The following DPF2 variants were observed in gnomAD, a reference collection of about 807,000 sequenced individuals.
The protein encoded by DPF2 is zinc finger protein ubi-d4.
In DPF2, 10 loss-of-function variants were observed where a neutral mutation model predicts 59.6. That is an observed-to-expected ratio of 0.17 (90% confidence interval 0.10 to 0.28). DPF2 has a LOEUF of 0.28. Among genes scored for constraint, DPF2 ranks in the 10% least tolerant of loss-of-function variants. The pLI is 1.00. For missense variants in DPF2, 315 were observed against 509.4 expected (o/e 0.62, Z 3.67); for synonymous variants, 189 against 190.6 (o/e 0.99, Z 0.07).
intron 3 of DPF2, 25 bp downstream of exon 3, chr11:65,341,098 A>G: frequency 6.2e-7 from 1 of 1,605,160 alleles, no homozygotes; most frequent in Non-Finnish European, 8.5e-7. Flanking sequence ...TCCTGAGCAG[A>G]GGCGTGGCCT....
intron 7 of DPF2, 62 bp downstream of exon 7, chr11:65,345,865 C>T: frequency 6.2e-7 from 1 of 1,613,330 alleles, no homozygotes; most frequent in Non-Finnish European, 8.5e-7. Context: ...AAAACCACTC[C>T]TTGCATGGGT....
intron 5 of DPF2, 50 bp from the exon 6 acceptor site, chr11:65,343,941 C>T (rs376925116): frequency 1.4e-4 from 222 of 1,612,162 alleles, no homozygotes; most frequent in Non-Finnish European, 1.8e-4. Flanking sequence ...GAGTCTAACT[C>T]CTCAGGCCCA....
rs370927704 is a variant in DPF2, at chr11:65,339,356, C to A, written c.33-1029C>A. 3.3e-5 allele frequency among the ~76,000 whole-genome samples: 5 copies of A among 152,182 alleles called. No individual in the cohort carries two copies. In the East Asian group the frequency reaches 7.7e-4, roughly 23 times the overall value. ...GAACAAGATAGGTTCTATATACACG[C>A]TTCTTAGAACCAGATAACTCCTGGC... On this transcript the variant is annotated intron_variant, in intron 1 of 10. Transcript: ENST00000528416.
chr11:65,345,730 T>C lies in DPF2; in HGVS notation c.702T>C (p.Ala234=). The C allele has an allele frequency of 6.2e-7, 1 of 1,614,144 alleles. No individual in the cohort carries two copies. Among genetic ancestry groups the C allele is most frequent in the Non-Finnish European group, 8.5e-7 (1 of 1,180,006 alleles). The part of the protein sequence containing the change: ...LSYHYAHSHL[A]EEEGEDKEDS... ...ACCACTATGCCCACTCCCACTTGGCTGAGGAGGAGGGCGAGGACAAGGAAG... is the reference window on the plus strand; with the variant it reads ...ACCACTATGCCCACTCCCACTTGGCCGAGGAGGAGGGCGAGGACAAGGAAG... Residue 234 remains alanine, a synonymous_variant, in exon 7 of 11, where the codon GCT becomes GCC. Transcript: ENST00000528416.
intron 6 of DPF2, 122 bp downstream of exon 6, chr11:65,344,191 G>A: frequency 1.0e-6 from 1 of 994,234 alleles, no homozygotes; most frequent in Non-Finnish European, 1.5e-6. Flanking sequence ...CTCTTGTCCT[G>A]CCTGCTGACT....
chr11:65,343,650 A>G, intron 4 of DPF2, 95 bp from the exon 5 acceptor site: 1 of 1,206,758 alleles, frequency 8.3e-7, no homozygotes, highest in Non-Finnish European at 1.2e-6. Context: ...GGACCACGTC[A>G]CAGAGGAGGT....
chr11:65,339,901 C>T (rs1274483314), intron 1 of DPF2, among the ~76,000 whole-genome samples: 1 of 152,108 alleles, frequency 6.6e-6, no homozygotes, highest in Non-Finnish European at 1.5e-5. Flanking sequence ...TTTAATAAGT[C>T]CCCTAGACTT....
chr11:65,340,742 G>C (rs1385842976), intron 2 of DPF2, among the ~76,000 whole-genome samples, 197 bp downstream of exon 2: 2 of 152,120 alleles, frequency 1.3e-5, no homozygotes, highest in African/African-American at 4.8e-5. Flanking sequence ...CTGCCCTGCT[G>C]AGGCCATTGT....
At chr11:65,343,299 CAAAAAAAAA>C (rs529933254) in intron 4 of DPF2, among the ~76,000 whole-genome samples, 1 of 58,024 alleles carries the variant, frequency 1.7e-5, no homozygotes, top group Admixed American at 1.9e-4. Flanking sequence ...AACTCTGTCT[CAAAAAAAAA>C]AAAAAAAAAA....
At position 65,337,729 on chromosome 11, in the gene DPF2, C is replaced by T. The variant is rs991712887; in HGVS notation, c.33-2656C>T. 9.2e-4 allele frequency among the ~76,000 whole-genome samples: 139 copies of T among 151,818 alleles called. 1 individual carries two copies. The highest frequency in any genetic ancestry group is 8.8e-4 in the Non-Finnish European group (60 of 67,936). ...AATGATTCCCCTACCTCATCCGCCC[C>T]AGGGGCTACGTGGAACCACAGGCAT... On this transcript the variant is annotated intron_variant, in intron 1 of 10. Transcript: ENST00000528416.
In DPF2 at chr11:65,344,045, C is replaced by T. The variant is rs1423726298; in HGVS notation, c.613C>T (p.Arg205Trp). 2.5e-6 allele frequency: 4 copies of T among 1,614,066 alleles called. No homozygotes were observed. The highest frequency in any genetic ancestry group is 1.7e-5 in the Admixed American group (1 of 60,002). The stretch of plus-strand genomic sequence containing the variant: ...GCTGGATGCTTCCATCCTGGAGGAC[C>T]GGGATAAGCCCTATGCCTGTGACAG... The part of the protein sequence containing the change: ...KKLDASILED[R>W]DKPYACDICG... The change falls in exon 6 of 11, where the codon CGG becomes TGG. Residue 205 changes from arginine (R) to tryptophan (W), a missense_variant. By Grantham distance (101) the Arg-to-Trp change is moderately radical. Transcript: ENST00000528416.
At chr11:65,346,203 C>A in intron 8 of DPF2, 44 bp from the exon 9 acceptor site, 1 of 1,604,802 alleles carries the variant, frequency 6.2e-7, no homozygotes, top group Non-Finnish European at 8.5e-7. Flanking sequence ...CTCTCTTCCC[C>A]CCGCATTTCC....
Position 65,344,033 on chromosome 11 carries a change from A to C in DPF2, c.601A>C (p.Ile201Leu), listed in dbSNP as rs753940788. The C allele has an allele frequency of 3.3e-5, 53 of 1,614,224 alleles. No homozygotes were observed. Among genetic ancestry groups the C allele is most frequent in the Non-Finnish European group, 4.5e-5 (53 of 1,180,040 alleles). ...GSARKKLDAS[I>L]LEDRDKPYAC... The stretch of plus-strand genomic sequence containing the variant: ...TGCCCGTAAGAAGCTGGATGCTTCC[A>C]TCCTGGAGGACCGGGATAAGCCCTA... The change falls in exon 6 of 11, where the codon ATC becomes CTC. Residue 201 changes from isoleucine (I) to leucine (L), a missense_variant. By Grantham distance (5) the Ile-to-Leu change is conservative. Coordinates refer to ENST00000528416, the MANE Select transcript of DPF2 (RefSeq NM_006268.5).
chr11:65,344,924 G>A (rs907842346), intron 6 of DPF2: 3 of 379,188 alleles, frequency 7.9e-6, no homozygotes, highest in African/African-American at 6.2e-5. Flanking sequence ...AGACCAGGCA[G>A]CTGGTGGTCA....
chr11:65,350,524 C>T (rs962622128), intron 10 of DPF2, among the ~76,000 whole-genome samples: 1 of 151,198 alleles, frequency 6.6e-6, no homozygotes, highest in South Asian at 2.1e-4. Context: ...CCTGGGACTA[C>T]AGGCATGCCA....
chr11:65,339,994 G>A (rs1474994958), intron 1 of DPF2, among the ~76,000 whole-genome samples: 1 of 152,134 alleles, frequency 6.6e-6, no homozygotes, highest in Admixed American at 6.6e-5. Context: ...TAGGAAAGAG[G>A]GAATAAGGAG....
At chr11:65,340,277 C>T (rs956699851) in intron 1 of DPF2, 108 bp from the exon 2 acceptor site, 1 of 1,330,106 alleles carries the variant, frequency 7.5e-7, no homozygotes, top group Non-Finnish European at 1.0e-6. Flanking sequence ...GAGACAGCCA[C>T]CCAGTCCCTT....
rs1429291745 is a variant in DPF2, at chr11:65,341,507, G to A, written c.410G>A (p.Arg137Gln). The A allele has an allele frequency of 1.2e-6, 2 of 1,614,180 alleles. No homozygotes were observed. Among genetic ancestry groups the A allele is most frequent in the Non-Finnish European group, 1.7e-6 (2 of 1,180,028 alleles). The change falls in exon 4 of 11, where the codon CGA becomes CAA. Residue 137 changes from arginine to glutamine, a missense_variant. By Grantham distance (43) the Arg-to-Gln change is conservative. Around this residue, in one of 4 missense-constraint regions of DPF2, gnomAD observed 228 missense variants for 275.3 expected, o/e 0.83. Coordinates refer to ENST00000528416, the MANE Select transcript of DPF2 (RefSeq NM_006268.5). ...PLEKRGAPDP[R>Q]VDDDSLGEFP... ...GAGAAGCGAGGTGCCCCGGATCCCCGAGTTGATGATGACAGCCTGGGCGAG... is the reference window on the plus strand; with the variant it reads ...GAGAAGCGAGGTGCCCCGGATCCCCAAGTTGATGATGACAGCCTGGGCGAG...
chr11:65,339,805 T>G (rs1854309630), intron 1 of DPF2, among the ~76,000 whole-genome samples: 1 of 152,230 alleles, frequency 6.6e-6, no homozygotes, highest in African/African-American at 2.4e-5. Context: ...AACTTGAAAT[T>G]GTTTAATATC....
Sources: allele counts gnomAD v4.1 joint callset (sites outside exome capture counted in the v4.1 genomes callset), GRCh38; gene constraint gnomAD v4.1.1; regional missense constraint gnomAD v4.1.1; transcripts MANE v1.5; gene names NCBI Gene and HGNC (gene_info 2026-07-23, HGNC 2026-07-21).